ESRRG: variants seen among roughly 807,000 people sequenced by gnomAD.
ESRRG encodes estrogen related receptor gamma.
A neutral mutation model predicts 44.0 loss-of-function variants in ESRRG; 13 were observed. The ratio of observed to expected loss-of-function variants is 0.30; its 90% CI spans 0.19 to 0.47. ESRRG has a LOEUF of 0.47. Ranked by LOEUF, ESRRG falls within the 20% of genes least tolerant of loss-of-function variation. ESRRG has a pLI of 1.00. For missense variants in ESRRG, 395 were observed against 580.6 expected (o/e 0.68, Z 3.29); for synonymous variants, 215 against 214.6 (o/e 1.00, Z -0.02).
intron 3 of ESRRG, among the ~76,000 whole-genome samples, chr1:216,588,898 G>A (rs966494121): frequency 3.3e-5 from 5 of 152,108 alleles, no homozygotes; most frequent in Admixed American, 6.6e-5. Context: ...CAGTCAATAG[G>A]AACAAAGTGA....
At chr1:216,666,619 A>G (rs1195884208) in intron 2 of ESRRG, among the ~76,000 whole-genome samples, 1 of 152,200 alleles carries the variant, frequency 6.6e-6, no homozygotes, top group Non-Finnish European at 1.5e-5. Context: ...AACTGCCTCC[A>G]GTACCTTCAT....
chr1:217,038,362 C>T (rs945804349), intron 1 of ESRRG, among the ~76,000 whole-genome samples: 6 of 152,206 alleles, frequency 3.9e-5, no homozygotes, highest in African/African-American at 1.4e-4. Context: ...ACAGTCTCAA[C>T]ACCATTAGCT....
At chr1:217,025,352 T>TAA (rs142131330) in intron 1 of ESRRG, among the ~76,000 whole-genome samples, 24 of 148,390 alleles carry the variant, frequency 1.6e-4, no homozygotes, top group Admixed American at 8.1e-4. Flanking sequence ...ATTTCTGCTT[T>TAA]AAAAAAAAAA....
intron 1 of ESRRG, among the ~76,000 whole-genome samples, chr1:217,105,691 G>C (rs1428350880): frequency 2.0e-5 from 3 of 152,126 alleles, no homozygotes; most frequent in African/African-American, 7.2e-5. Context: ...AACAGATCCT[G>C]CATACTATTC....
At chr1:216,932,510 G>A (rs140193124) in intron 2 of ESRRG, among the ~76,000 whole-genome samples, 15 of 152,026 alleles carry the variant, frequency 9.9e-5, no homozygotes, top group African/African-American at 1.4e-4. Context: ...TAGGATTTGC[G>A]TCCTCGCACA....
chr1:216,740,896 G>T (rs1402488825), intron 2 of ESRRG, among the ~76,000 whole-genome samples: 1 of 74,944 alleles, frequency 1.3e-5, no homozygotes. Context: ...ATCAAAATGG[G>T]ATTATATATA....
intron 1 of ESRRG, among the ~76,000 whole-genome samples, chr1:216,977,426 A>G (rs896716451): frequency 2.6e-5 from 4 of 152,096 alleles, no homozygotes; most frequent in African/African-American, 7.2e-5. Context: ...TTAAAAGTAG[A>G]CTTTTATCTA....
chr1:216,652,862 A>G (rs1459202857), intron 2 of ESRRG, among the ~76,000 whole-genome samples: 3 of 152,142 alleles, frequency 2.0e-5, no homozygotes, highest in Admixed American at 2.0e-4. Flanking sequence ...TTAGTATTCT[A>G]CTACTAGATC....
At chr1:216,553,130 C>T (rs1191777705) in intron 5 of ESRRG, among the ~76,000 whole-genome samples, 1 of 151,344 alleles carries the variant, frequency 6.6e-6, no homozygotes, top group Non-Finnish European at 1.5e-5. Context: ...TCCTAAAATG[C>T]TGACCATGTC....
intron 1 of ESRRG, among the ~76,000 whole-genome samples, chr1:217,066,255 C>CTTTTTTT (rs68151743): frequency 1.8e-4 from 24 of 132,500 alleles, no homozygotes; most frequent in African/African-American, 2.5e-4. Context: ...TTTTTCTTTT[C>CTTTTTTT]TTTTTTTTTT....
intron 6 of ESRRG, among the ~76,000 whole-genome samples, chr1:216,509,517 C>T (rs962748236): frequency 6.6e-6 from 1 of 152,082 alleles, no homozygotes; most frequent in African/African-American, 2.4e-5. Flanking sequence ...TTACCTCGGC[C>T]CTACCCATAG....
chr1:216,768,683 A>C (rs1278652998), intron 2 of ESRRG, among the ~76,000 whole-genome samples: 3 of 152,068 alleles, frequency 2.0e-5, no homozygotes, highest in South Asian at 2.1e-4. Flanking sequence ...TACAGATGGG[A>C]TCTAGCTCTG....
Position 216,913,289 on chromosome 1 carries a change from C to T in ESRRG, c.-14+26293G>A, listed in dbSNP as rs113329825. Among the ~76,000 whole-genome samples the T allele has an allele frequency of 5.1e-3, 765 of 150,582 alleles. 7 individuals are homozygous for T. The highest frequency in any genetic ancestry group is 0.017 in the African/African-American group (700 of 40,880). ...TACATTATATTGAGAAATCTAGAGA[C>T]GATTTAAAGTATATGGGAGGATGTG... On this transcript the variant is annotated intron_variant, in intron 2 of 7. Coordinates refer to the ESRRG transcript ENST00000359162.
intron 2 of ESRRG, among the ~76,000 whole-genome samples, chr1:216,798,450 T>C (rs1256430760): frequency 6.6e-6 from 1 of 152,122 alleles, no homozygotes; most frequent in Non-Finnish European, 1.5e-5. Context: ...GGAAGCACTA[T>C]AGTACAGTGA....
At chr1:217,085,746 C>T (rs1396636954) in intron 1 of ESRRG, among the ~76,000 whole-genome samples, 4 of 151,986 alleles carry the variant, frequency 2.6e-5, no homozygotes, top group African/African-American at 7.3e-5. Context: ...ACCTCAGCCT[C>T]CCAAAGTGCT....
rs185266093 is a variant in ESRRG, at chr1:216,735,221, G to C, written c.-13-57730C>G. On this transcript the variant is annotated intron_variant, in intron 2 of 7. Coordinates refer to the ESRRG transcript ENST00000359162. Reference sequence around the variant, plus strand: ...CCATGCCCAGCCTCATTGTTTTTTTGTTTTTGAGACAGGGTCTGGCTCTGT... The same window carrying C: ...CCATGCCCAGCCTCATTGTTTTTTTCTTTTTGAGACAGGGTCTGGCTCTGT... 3.4e-3 allele frequency among the ~76,000 whole-genome samples: 496 copies of C among 144,308 alleles called. 5 individuals are homozygous for C. Among genetic ancestry groups the C allele is most frequent in the Non-Finnish European group, 2.7e-3 (180 of 65,648 alleles). The allele number at this position is 144,308 out of a possible 152,430, so 94.7% of individuals were successfully genotyped here.
At position 216,983,988 on chromosome 1, in the gene ESRRG, C is replaced by T. The variant is rs1038177771; in HGVS notation, c.-105-44315G>A. Among the ~76,000 whole-genome samples the T allele has an allele frequency of 4.1e-5, 6 of 144,668 alleles. No individual in the cohort carries two copies. In the South Asian group the frequency reaches 6.5e-4, roughly 16 times the overall value. The allele number at this position is 144,668 out of a possible 152,430, so 94.9% of individuals were successfully genotyped here. A position where few individuals can be genotyped will look rare whatever the true frequency, so the allele number is the denominator to read the frequency against. On this transcript the variant is annotated intron_variant, in intron 1 of 7. Transcript: ENST00000359162. ...ACCTTGCTGTGGTCACAGAAGATGA[C>T]GCTTCAGATCTAAATATAGGGTCAT...
chr1:217,048,556 T>G (rs1346527624), intron 1 of ESRRG, among the ~76,000 whole-genome samples: 1 of 152,140 alleles, frequency 6.6e-6, no homozygotes, highest in Non-Finnish European at 1.5e-5. Context: ...AACACTCCTA[T>G]GCAGAAACCA....
At chr1:216,688,804 T>G (rs1210313843) in intron 1 of ESRRG, among the ~76,000 whole-genome samples, 1 of 152,168 alleles carries the variant, frequency 6.6e-6, no homozygotes, top group East Asian at 1.9e-4. Context: ...GGCTATAAAA[T>G]CACTTTGTCA....
Sources: allele counts gnomAD v4.1 joint callset (sites outside exome capture counted in the v4.1 genomes callset), GRCh38; gene constraint gnomAD v4.1.1; transcripts MANE v1.5; gene names NCBI Gene and HGNC (gene_info 2026-07-23, HGNC 2026-07-21).